The following TENM2 variants were observed in gnomAD, a reference collection of about 807,000 sequenced individuals.
TENM2 encodes the protein teneurin-2.
TENM2 carries 52 observed loss-of-function variants against 245.2 expected under a neutral mutation model. The ratio of observed to expected loss-of-function variants is 0.21; its 90% CI spans 0.17 to 0.27. The LOEUF (loss-of-function observed/expected upper bound fraction) is 0.27, where lower values mean the gene tolerates loss of function less well. Among genes scored for constraint, TENM2 ranks in the 10% least tolerant of loss-of-function variants. The probability of loss-of-function intolerance (pLI) is 1.00; values close to 1 mark genes in which losing one functional copy is unlikely to be tolerated. For missense variants in TENM2, 3,046 were observed against 3,666.8 expected (o/e 0.83, Z 4.37); for synonymous variants, 1,363 against 1,438.9 (o/e 0.95, Z 1.19).
the TENM2 span, among the ~76,000 whole-genome samples, chr5:167,052,089 A>C: frequency 6.6e-6 from 1 of 152,204 alleles, no homozygotes; most frequent in East Asian, 1.9e-4. Flanking sequence ...TAATGACAAA[A>C]GATAATGTTC....
chr5:167,853,476 C>A (rs905414804), intron 2 of TENM2, among the ~76,000 whole-genome samples: 2 of 151,830 alleles, frequency 1.3e-5, no homozygotes, highest in African/African-American at 4.8e-5. Flanking sequence ...GGTGAGACAT[C>A]CATTTTAATC....
At chr5:167,936,523 A>T (rs1018648652) in intron 3 of TENM2, among the ~76,000 whole-genome samples, 4 of 152,242 alleles carry the variant, frequency 2.6e-5, no homozygotes, top group African/African-American at 9.6e-5. Context: ...CTTGTTACAG[A>T]GTAGCCTCAG....
chr5:168,135,525 TG>T (rs753892954), intron 12 of TENM2, among the ~76,000 whole-genome samples: 65 of 152,326 alleles, frequency 4.3e-4, no homozygotes, highest in Non-Finnish European at 7.4e-4. Flanking sequence ...TTATATGCAT[TG>T]TTATAATCAG....
chr5:167,495,328 T>A (rs1768742780), intron 2 of TENM2, among the ~76,000 whole-genome samples: 1 of 151,510 alleles, frequency 6.6e-6, no homozygotes, highest in South Asian at 2.1e-4. Flanking sequence ...AAAATGGGAA[T>A]TATGCTTGAA....
rs151161238 is a variant in TENM2 at position 168,148,240 on chromosome 5, A to G, written c.2423-14371A>G. ...GTGTAAGATGTATTTGAAAGGAGGG[A>G]TTTTTGTTTCTCTGTAAATGAGAGG... On this transcript the variant is annotated intron_variant, in intron 12 of 28. Coordinates refer to ENST00000518659, the Ensembl canonical transcript of TENM2. Among the ~76,000 whole-genome samples, 280 of 152,214 alleles carry G rather than the reference A, an allele frequency of 1.8e-3. 1 individual carries two copies. The highest frequency in any genetic ancestry group is 3.8e-3 in the Admixed American group (58 of 15,288).
At chr5:167,762,607 T>C (rs10516038) in intron 2 of TENM2, among the ~76,000 whole-genome samples, 89,935 of 152,118 alleles carry the variant, frequency 0.59, 28,694 homozygotes, top group Middle Eastern at 0.73. Context: ...TATTGATCTC[T>C]GCTTATCAGA....
intron 2 of TENM2, among the ~76,000 whole-genome samples, chr5:167,771,348 T>A (rs1763390779): frequency 6.6e-6 from 1 of 152,218 alleles, no homozygotes. Context: ...GTTTACCTTG[T>A]CTGTGTGTTC....
intron 2 of TENM2, among the ~76,000 whole-genome samples, chr5:167,585,144 G>C (rs999337584): frequency 5.9e-5 from 9 of 152,150 alleles, no homozygotes; most frequent in African/African-American, 2.2e-4. Flanking sequence ...AAGTGTCCTA[G>C]GGCATCATCC....
chr5:167,759,428 T>C (rs1465812798), intron 2 of TENM2, among the ~76,000 whole-genome samples: 6 of 152,108 alleles, frequency 3.9e-5, no homozygotes, highest in African/African-American at 1.4e-4. Context: ...TTATCAGGAC[T>C]CTGATTTTGT....
the TENM2 span, among the ~76,000 whole-genome samples, chr5:167,214,333 A>G: frequency 6.6e-6 from 1 of 152,182 alleles, no homozygotes; most frequent in Non-Finnish European, 1.5e-5. Context: ...CTAGCTGCCT[A>G]TAACATACCA....
At chr5:167,619,549 A>G (rs1778021177) in intron 2 of TENM2, among the ~76,000 whole-genome samples, 1 of 152,120 alleles carries the variant, frequency 6.6e-6, no homozygotes. Flanking sequence ...TTCTTTTAAG[A>G]AAGTTATTTA....
At chr5:167,929,065 GAAAGAAAGAAAGA>G (rs1778024436) in intron 3 of TENM2, among the ~76,000 whole-genome samples, 1 of 4,928 alleles carries the variant, frequency 2.0e-4, no homozygotes, top group Admixed American at 1.9e-3. Context: ...AAGAGAGAAA[GAAAGAAAGAAAGA>G]AAGAAAGAAA....
At chr5:167,264,584 C>A in the TENM2 span, among the ~76,000 whole-genome samples, 1 of 152,056 alleles carries the variant, frequency 6.6e-6, no homozygotes, top group Non-Finnish European at 1.5e-5. Context: ...GAGCACAAGC[C>A]CTCACTGGGG....
At chr5:167,607,111 G>T (rs764747205) in intron 2 of TENM2, among the ~76,000 whole-genome samples, 1 of 152,082 alleles carries the variant, frequency 6.6e-6, no homozygotes. Context: ...GAGAGGGCTG[G>T]CTCTAGAAAA....
At chr5:166,985,510 G>C in the TENM2 span, among the ~76,000 whole-genome samples, 1 of 152,078 alleles carries the variant, frequency 6.6e-6, no homozygotes, top group Non-Finnish European at 1.5e-5. Context: ...TTTCACAGTG[G>C]TTAGGGCTCC....
chr5:167,529,741 C>T (rs1364993489), intron 2 of TENM2, among the ~76,000 whole-genome samples: 1 of 152,122 alleles, frequency 6.6e-6, no homozygotes, highest in Non-Finnish European at 1.5e-5. Flanking sequence ...TTTACAGATT[C>T]TTTAATATAT....
chr5:167,375,866 G>A (rs892611002), intron 2 of TENM2, among the ~76,000 whole-genome samples: 1 of 151,844 alleles, frequency 6.6e-6, no homozygotes, highest in Non-Finnish European at 1.5e-5. Context: ...TTTTCGTGAC[G>A]ATCTCTTAAG....
chr5:168,215,343 A>C, intron 21 of TENM2, 71 bp downstream of exon 23: 1 of 1,239,866 alleles, frequency 8.1e-7, no homozygotes, highest in Non-Finnish European at 1.2e-6. Context: ...TCTTCTCATC[A>C]GAACTTAACT....
At chr5:167,898,066 G>A (rs1775372225) in intron 3 of TENM2, among the ~76,000 whole-genome samples, 1 of 151,976 alleles carries the variant, frequency 6.6e-6, no homozygotes, top group Non-Finnish European at 1.5e-5. Flanking sequence ...TCATTGAAGA[G>A]CCCTTTGCTA....
Sources: gnomAD v4.1 joint callset for allele counts (sites outside exome capture counted in the v4.1 genomes callset) on GRCh38, gnomAD v4.1.1 for gene constraint, MANE v1.5 for transcripts, NCBI Gene and HGNC (gene_info 2026-07-23, HGNC 2026-07-21) for gene names.